The following TENM2 variants were observed in gnomAD, a reference collection of about 807,000 sequenced individuals.
TENM2 encodes teneurin transmembrane protein 2, also known as teneurin-2.
A neutral mutation model predicts 245.2 loss-of-function variants in TENM2; 52 were observed. The observed-to-expected ratio is 0.21, with a 90% CI of 0.17 to 0.27. The LOEUF is 0.27. Ranked by LOEUF, TENM2 falls within the 10% of genes least tolerant of loss-of-function variation. The pLI is 1.00. For missense variants in TENM2, 3,046 were observed against 3,666.8 expected, an observed-to-expected ratio of 0.83 and a Z score of 4.37; for synonymous variants, 1,363 against 1,438.9, an observed-to-expected ratio of 0.95 and a Z score of 1.19.
rs113903643 is a variant in TENM2 at position 167,740,120 on chromosome 5, G to T, written c.503-135866G>T. ...AGCAGGGTTGTAGCTGCCATTGTTTGGATTTGCATATGTTCTTCCCATTTT... is the reference window on the plus strand; with the variant it reads ...AGCAGGGTTGTAGCTGCCATTGTTTTGATTTGCATATGTTCTTCCCATTTT... On this transcript the variant is annotated intron_variant, in intron 2 of 28. Transcript: ENST00000518659. Among the ~76,000 whole-genome samples, 71 of 152,248 alleles carry T rather than the reference G, an allele frequency of 4.7e-4. 1 individual carries two copies. The highest frequency in any genetic ancestry group is 1.7e-3 in the African/African-American group (71 of 41,552).
intron 2 of TENM2, among the ~76,000 whole-genome samples, chr5:167,580,597 A>G (rs1003679898): frequency 6.6e-6 from 1 of 152,256 alleles, no homozygotes; most frequent in Non-Finnish European, 1.5e-5. Flanking sequence ...TGGCCTTGCC[A>G]GAAACGCTGT....
intron 1 of TENM2, chr5:167,303,505 A>T (rs1480503371): frequency 6.6e-6 from 1 of 152,124 alleles, no homozygotes; most frequent in Non-Finnish European, 1.5e-5. Context: ...TTGAGCCAGG[A>T]TGAGCCAGGA....
chr5:167,744,019 G>T (rs1761387122), intron 2 of TENM2, among the ~76,000 whole-genome samples: 1 of 152,184 alleles, frequency 6.6e-6, no homozygotes, highest in South Asian at 2.1e-4. Context: ...TGGCTTGCCT[G>T]TGCTCACACA....
chr5:168,020,672 C>T (rs1283202913), intron 5 of TENM2, among the ~76,000 whole-genome samples: 1 of 152,198 alleles, frequency 6.6e-6, no homozygotes, highest in African/African-American at 2.4e-5. Flanking sequence ...CTCCACCCGC[C>T]GGCTTCCCAA....
intron 2 of TENM2, among the ~76,000 whole-genome samples, chr5:167,537,269 G>T (rs970118445): frequency 1.4e-4 from 13 of 91,840 alleles, no homozygotes; most frequent in African/African-American, 4.1e-4. Context: ...AAAAAAAAAA[G>T]CCAGTTGGTT....
intron 3 of TENM2, among the ~76,000 whole-genome samples, chr5:167,918,741 A>C (rs1777133701): frequency 6.6e-6 from 1 of 151,132 alleles, no homozygotes; most frequent in South Asian, 2.1e-4. Context: ...GCTGACAACC[A>C]GAGCAGTTCG....
chr5:168,217,644 T>C (rs1763316154), intron 22 of TENM2, among the ~76,000 whole-genome samples: 1 of 152,220 alleles, frequency 6.6e-6, no homozygotes, highest in Non-Finnish European at 1.5e-5. Flanking sequence ...CTGGAGAGCC[T>C]GCACTTTGGC....
At chr5:168,139,430 T>C in intron 12 of TENM2, 1 of 455,760 alleles carries the variant, frequency 2.2e-6, no homozygotes, top group South Asian at 1.6e-5. Flanking sequence ...TCTAATTTAG[T>C]TAGATTACTG....
At chr5:167,181,466 T>TGTG in the TENM2 span, among the ~76,000 whole-genome samples, 1 of 122,600 alleles carries the variant, frequency 8.2e-6, no homozygotes, top group African/African-American at 3.3e-5. Context: ...AGCCGCTCGT[T>TGTG]TGTGTGTGTG....
chr5:167,957,027 G>C (rs1399744267), intron 4 of TENM2, among the ~76,000 whole-genome samples: 1 of 152,054 alleles, frequency 6.6e-6, no homozygotes, highest in East Asian at 1.9e-4. Context: ...CAATTGTTTG[G>C]AATAGTTTCA....
At chr5:167,436,135 C>T (rs1247207492) in intron 2 of TENM2, among the ~76,000 whole-genome samples, 1 of 151,702 alleles carries the variant, frequency 6.6e-6, no homozygotes, top group Non-Finnish European at 1.5e-5. Context: ...CCCACCACCA[C>T]ACCCGGCTAA....
chr5:168,049,545 T>C (rs1788895061), intron 6 of TENM2, among the ~76,000 whole-genome samples: 1 of 152,224 alleles, frequency 6.6e-6, no homozygotes, highest in East Asian at 1.9e-4. Flanking sequence ...CTCCCATTTG[T>C]GATAAGCCTC....
intron 2 of TENM2, among the ~76,000 whole-genome samples, chr5:167,488,895 T>C (rs1258867900): frequency 6.6e-6 from 1 of 152,188 alleles, no homozygotes; most frequent in East Asian, 1.9e-4. Flanking sequence ...TAATGGTTAC[T>C]TCATCCTTCA....
chr5:168,216,454 A>C (rs1763205047), intron 21 of TENM2, among the ~76,000 whole-genome samples: 1 of 152,244 alleles, frequency 6.6e-6, no homozygotes, highest in Non-Finnish European at 1.5e-5. Flanking sequence ...AGGAGAGCAG[A>C]TGCAAAGTTA....
intron 2 of TENM2, among the ~76,000 whole-genome samples, chr5:167,769,084 T>C (rs964721356): frequency 1.3e-5 from 2 of 152,234 alleles, no homozygotes; most frequent in Non-Finnish European, 2.9e-5. Context: ...ACTTTCATGA[T>C]CCACCTCTTA....
intron 6 of TENM2, among the ~76,000 whole-genome samples, chr5:168,059,610 A>T (rs1221043003): frequency 6.6e-6 from 1 of 151,974 alleles, no homozygotes; most frequent in East Asian, 1.9e-4. Flanking sequence ...TTATATTATT[A>T]TATTCCTTCT....
the TENM2 span, among the ~76,000 whole-genome samples, chr5:167,235,491 A>T: frequency 2.6e-5 from 4 of 152,234 alleles, no homozygotes; most frequent in East Asian, 5.8e-4. Context: ...GAAAAAAAAA[A>T]TTTTTACTCA....
At chr5:168,002,377 T>G (rs1401213211) in intron 5 of TENM2, among the ~76,000 whole-genome samples, 1 of 152,264 alleles carries the variant, frequency 6.6e-6, no homozygotes, top group Non-Finnish European at 1.5e-5. Context: ...GTTTGCTTAC[T>G]TATATTACAC....
intron 3 of TENM2, among the ~76,000 whole-genome samples, chr5:167,906,940 T>C (rs1776125884): frequency 6.6e-6 from 1 of 152,034 alleles, no homozygotes; most frequent in Non-Finnish European, 1.5e-5. Context: ...ACATCTAAAA[T>C]AAAGGACGCA....
Sources: gnomAD v4.1 joint callset for allele counts (sites outside exome capture counted in the v4.1 genomes callset) on GRCh38, gnomAD v4.1.1 for gene constraint, MANE v1.5 for transcripts, NCBI Gene and HGNC (gene_info 2026-07-23, HGNC 2026-07-21) for gene names.